Variants in BCAS3 observed in about 807,000 individuals in gnomAD.
BCAS3 encodes the protein BCAS3 microtubule associated cell migration factor.
BCAS3 carries 53 observed loss-of-function variants against 116.1 expected under a neutral mutation model. That is an observed-to-expected ratio of 0.46 (90% confidence interval 0.37 to 0.57). The LOEUF (loss-of-function observed/expected upper bound fraction) is 0.57. BCAS3 is among the 20% of genes least tolerant of loss of function. BCAS3 has a pLI of 0.00. For synonymous variants in BCAS3, 391 were observed against 408.2 expected, an observed-to-expected ratio of 0.96 and a Z score of 0.51; for missense variants, 917 against 1,165.4, an observed-to-expected ratio of 0.79 and a Z score of 3.10.
intron 5 of BCAS3, among the ~76,000 whole-genome samples, chr17:60,745,056 A>G (rs1027194688): frequency 1.3e-5 from 2 of 152,072 alleles, no homozygotes; most frequent in Admixed American, 6.6e-5. Context: ...ACAGCAGCTC[A>G]TTTAAATATG....
intron 17 of BCAS3, among the ~76,000 whole-genome samples, chr17:61,036,812 A>T (rs1053968073): frequency 1.3e-5 from 2 of 152,210 alleles, no homozygotes; most frequent in African/African-American, 2.4e-5. Context: ...AGTATGGCTG[A>T]TCTTCATTTA....
intron 12 of BCAS3, among the ~76,000 whole-genome samples, chr17:60,916,285 C>A (rs1237283524): frequency 6.6e-6 from 1 of 152,120 alleles, no homozygotes; most frequent in Non-Finnish European, 1.5e-5. Context: ...GCAGATTTCC[C>A]AACTGAATCC....
Position 61,139,511 on chromosome 17 carries a change from C to A in BCAS3, c.2425+54947C>A, listed in dbSNP as rs1445155627. 6.6e-6 allele frequency among the ~76,000 whole-genome samples: 1 copy of A among 152,170 alleles called. No individual in the cohort carries two copies. Among genetic ancestry groups the A allele is most frequent in the African/African-American group, 2.4e-5 (1 of 41,438 alleles). ...GGCTCAGTGCGGGCTTTGTTTATAG[C>A]AGAAGCCATAATGTATAATGTTCAG... On this transcript the variant is annotated intron_variant, in intron 22 of 23. Transcript: ENST00000407086. This position sits in a 1 kb window ranked among gnomAD's most constrained non-coding sequence, Gnocchi z 4.7.
At chr17:60,974,103 T>G (rs1001471058) in intron 14 of BCAS3, among the ~76,000 whole-genome samples, 6 of 152,224 alleles carry the variant, frequency 3.9e-5, no homozygotes, top group Non-Finnish European at 7.3e-5. Context: ...ATCTGCATTT[T>G]GTACAGATCA....
intron 7 of BCAS3, among the ~76,000 whole-genome samples, chr17:60,855,091 A>G (rs2053551740): frequency 6.6e-6 from 1 of 151,124 alleles, no homozygotes; most frequent in Non-Finnish European, 1.5e-5. Context: ...CTGGGATTAC[A>G]GATGCATGCC....
rs181486924 is a variant in BCAS3 at position 60,824,992 on chromosome 17, C to T, written c.476+16916C>T. On this transcript the variant is annotated intron_variant, in intron 7 of 23. Transcript: ENST00000407086. Reference sequence around the variant, plus strand: ...ACCATCCTAGGCAACATGGTGAAACCCTGTCTCTACAAAAAATACAAAAAT... The same window carrying T: ...ACCATCCTAGGCAACATGGTGAAACTCTGTCTCTACAAAAAATACAAAAAT... 2.3e-3 allele frequency among the ~76,000 whole-genome samples: 353 copies of T among 152,036 alleles called. 5 individuals carry two copies. The highest frequency in any genetic ancestry group is 4.1e-4 in the South Asian group (2 of 4,824).
chr17:60,992,328 A>G (rs1352987866), intron 15 of BCAS3, among the ~76,000 whole-genome samples: 1 of 152,088 alleles, frequency 6.6e-6, no homozygotes, highest in Non-Finnish European at 1.5e-5. Context: ...TTTACTCCTG[A>G]GATCATACTT....
At chr17:61,172,426 G>A (rs1351056309) in intron 22 of BCAS3, among the ~76,000 whole-genome samples, 1 of 151,976 alleles carries the variant, frequency 6.6e-6, no homozygotes, top group African/African-American at 2.4e-5. Flanking sequence ...GAGGTCCAGA[G>A]ATCGAGACCA....
At chr17:60,823,034 A>C (rs992897315) in intron 7 of BCAS3, among the ~76,000 whole-genome samples, 2 of 152,284 alleles carry the variant, frequency 1.3e-5, no homozygotes, top group East Asian at 3.9e-4. Flanking sequence ...AATTCACAAA[A>C]TCTGAGAAAT....
intron 6 of BCAS3, among the ~76,000 whole-genome samples, chr17:60,753,186 A>G (rs2042650681): frequency 6.6e-6 from 1 of 151,964 alleles, no homozygotes; most frequent in Non-Finnish European, 1.5e-5. Flanking sequence ...GAAAATCCTC[A>G]TATTTTTGCT....
chr17:61,034,600 G>A lies in BCAS3; in HGVS notation c.1638-66G>A. 2 of 1,430,372 alleles carry A rather than the reference G, an allele frequency of 1.4e-6. No homozygotes were observed. The highest frequency in any genetic ancestry group is 1.9e-6 in the Non-Finnish European group (2 of 1,051,228). 88.6% of individuals were successfully genotyped at this position (1,430,372 alleles called of 1,614,324 possible). ...AGGGGTGGAATTTAAAGGAAAAACT[G>A]TCATTACCTAAAGGAGTATCATTTC... On this transcript the variant is annotated intron_variant, in intron 16 of 23. Transcript: ENST00000407086. This position sits in a 1 kb window ranked among gnomAD's most constrained non-coding sequence, Gnocchi z 5.0.
chr17:60,821,009 C>T (rs1188515129), intron 7 of BCAS3, among the ~76,000 whole-genome samples: 2 of 152,150 alleles, frequency 1.3e-5, no homozygotes, highest in Non-Finnish European at 2.9e-5. Context: ...GGCAGTGGCA[C>T]AATCTCGGCT....
intron 19 of BCAS3, among the ~76,000 whole-genome samples, chr17:61,042,151 A>G (rs780655364): frequency 6.6e-6 from 1 of 152,040 alleles, no homozygotes; most frequent in Non-Finnish European, 1.5e-5. Flanking sequence ...ATATTTAACT[A>G]TCATATGAAC....
At chr17:60,700,404 C>T (rs530756553) in intron 4 of BCAS3, among the ~76,000 whole-genome samples, 2 of 152,242 alleles carry the variant, frequency 1.3e-5, no homozygotes, top group East Asian at 3.9e-4. Context: ...TGATGCTTTT[C>T]ACCAAAATAA....
At chr17:60,728,669 G>A (rs755160263) in intron 5 of BCAS3, among the ~76,000 whole-genome samples, 8 of 151,896 alleles carry the variant, frequency 5.3e-5, no homozygotes, top group South Asian at 2.1e-4. Context: ...TAGTAGAGAC[G>A]GGGTTTCACC....
chr17:60,784,265 T>C (rs2046081849), intron 6 of BCAS3, among the ~76,000 whole-genome samples: 1 of 150,896 alleles, frequency 6.6e-6, no homozygotes, highest in Non-Finnish European at 1.5e-5. Context: ...TTAGTGATGA[T>C]GGCGTGTGTT....
rs1294646364 is a variant in BCAS3 at position 61,244,281 on chromosome 17, A to G, written c.2426-124046A>G. On this transcript the variant is annotated intron_variant, in intron 22 of 23. Transcript: ENST00000407086. This position sits in a 1 kb window ranked among gnomAD's most constrained non-coding sequence, Gnocchi z 4.9. ...TATTAAGATTCTTCTATGCATTTGT[A>G]TACACACATATATACGCTATTGTTT... 6.6e-6 allele frequency among the ~76,000 whole-genome samples: 1 copy of G among 152,206 alleles called. No homozygotes were observed. The highest frequency in any genetic ancestry group is 1.5e-5 in the Non-Finnish European group (1 of 68,032).
In BCAS3 at chr17:61,356,610, G is replaced by A. The variant is rs899311398; in HGVS notation, c.2426-11717G>A. 1.4e-4 allele frequency among the ~76,000 whole-genome samples: 22 copies of A among 152,274 alleles called. No homozygotes were observed. Among genetic ancestry groups the A allele is most frequent in the African/African-American group, 4.8e-4 (20 of 41,552 alleles). On this transcript the variant is annotated intron_variant, in intron 22 of 23. Transcript: ENST00000407086. This position sits in a 1 kb window ranked among gnomAD's most constrained non-coding sequence, Gnocchi z 5.4. ...AGCCATTTCTTGACAGTCATGAAAAGGTGTCTCCTAGGAAGCCGGGCCTGT... is the reference window on the plus strand; with the variant it reads ...AGCCATTTCTTGACAGTCATGAAAAAGTGTCTCCTAGGAAGCCGGGCCTGT...
chr17:61,037,485 C>T lies in BCAS3; in HGVS notation c.1763-404C>T, dbSNP rs1044169470. 4.6e-5 allele frequency among the ~76,000 whole-genome samples: 7 copies of T among 152,146 alleles called. No homozygotes were observed. Among genetic ancestry groups the T allele is most frequent in the African/African-American group, 1.4e-4 (6 of 41,422 alleles). ...GAACAAGCACCATATGAAAAAATTC[C>T]TGTCGTCTGAGCATGGTGGCTCACG... On this transcript the variant is annotated intron_variant, in intron 17 of 23. Transcript: ENST00000407086. This position sits in a 1 kb window ranked among gnomAD's most constrained non-coding sequence, Gnocchi z 4.7.
Sources: allele counts gnomAD v4.1 joint callset (sites outside exome capture counted in the v4.1 genomes callset), GRCh38; gene constraint gnomAD v4.1.1; non-coding constraint Gnocchi (gnomAD v3.1); transcripts MANE v1.5; gene names NCBI Gene and HGNC (gene_info 2026-07-23, HGNC 2026-07-21).